ATM: variants seen among roughly 807,000 people sequenced by gnomAD.
ATM encodes ATM serine/threonine kinase.
Under a neutral mutation model 387.0 loss-of-function variants are expected in ATM, and 308 were observed. The observed-to-expected ratio is 0.80, with a 90% CI of 0.73 to 0.87. The LOEUF is 0.87. ATM is among the 40% of genes least tolerant of loss of function. The pLI, the probability that ATM is intolerant of heterozygous loss-of-function variation, is 0.00. For missense variants in ATM, 3,312 were observed against 3,560.9 expected, an observed-to-expected ratio of 0.93 and a Z score of 1.78; for synonymous variants, 1,156 against 1,187.3, an observed-to-expected ratio of 0.97 and a Z score of 0.54.
rs1064794124 is a variant in ATM, at chr11:108,299,744, G to A, written c.5036G>A (p.Gly1679Asp). ...EAVGSCLGEV[G>D]PIDFSTIAIQ... ...GTTGGAAGCTGCTTGGGAGAAGTGG[G>A]TCCTATAGATTTCTCTACCATAGCT... The change falls in exon 34 of 63, where the codon GGT becomes GAT. Residue 1679 changes from glycine (G) to aspartate (D), a missense_variant. By Grantham distance (94) the Gly-to-Asp change is moderately conservative (BLOSUM62 -1). This residue lies in a region of ATM where 1,405 missense variants were observed against 1,604.4 expected (regional missense o/e 0.88). Coordinates refer to ENST00000675843, the MANE Select transcript of ATM (RefSeq NM_000051.4). 1.9e-6 allele frequency: 3 copies of A among 1,613,854 alleles called. No homozygotes were observed. The highest frequency in any genetic ancestry group is 2.5e-6 in the Non-Finnish European group (3 of 1,179,890).
chr11:108,297,403 G>GGC lies in ATM; in HGVS notation c.5005+21_5005+22insGC, dbSNP rs547799081. On this transcript the variant is annotated intron_variant, in intron 33 of 62. Coordinates refer to ENST00000675843, the MANE Select transcript of ATM (RefSeq NM_000051.4). Reference sequence around the variant, plus strand: ...TCTAGGTAAACTACAGTCATGCGCTGCGTGACATTTCAGTCAACTGCGGAT... The same window carrying GGC: ...TCTAGGTAAACTACAGTCATGCGCTGGCCGTGACATTTCAGTCAACTGCGGAT... 6.8e-4 allele frequency: 1,071 copies of GGC among 1,577,932 alleles called. 2 individuals are homozygous for GGC. In the African/African-American group the frequency reaches 0.013, roughly 19 times the overall value.
At chr11:108,341,702 T>C (rs562139003) in intron 56 of ATM, among the ~76,000 whole-genome samples, 3 of 152,290 alleles carry the variant, frequency 2.0e-5, no homozygotes, top group South Asian at 2.1e-4. Flanking sequence ...CATTTTAATA[T>C]AAAGAACAAG....
intron 56 of ATM, among the ~76,000 whole-genome samples, chr11:108,339,362 A>AT (rs2087228668): frequency 6.6e-6 from 1 of 152,176 alleles, no homozygotes; most frequent in African/African-American, 2.4e-5. Flanking sequence ...ATTCCTTGTC[A>AT]TGCATATTTC....
rs1425596093 is a variant in ATM at position 108,366,613 on chromosome 11, G to C, written c.*1105G>C. On this transcript the variant is annotated 3_prime_UTR_variant, in exon 63 of 63. Transcript: ENST00000675843. ...GTGTCTGTTTATGTCATATTCCCAG[G>C]GCTGTTGCTGCACACAAGCCCATTC... The C allele has an allele frequency of 4.3e-6, 1 of 230,712 alleles. No homozygotes were observed. Among genetic ancestry groups the C allele is most frequent in the Non-Finnish European group, 8.6e-6 (1 of 116,568 alleles). The allele number at this position is 230,712 out of a possible 1,614,324, so 14.3% of individuals were successfully genotyped here. A position where few individuals can be genotyped will look rare whatever the true frequency, so the allele number is the denominator to read the frequency against.
rs1555059530 is a variant in ATM at position 108,235,830 on chromosome 11, G to A, written c.492G>A (p.Trp164Ter). The A allele has an allele frequency of 6.2e-7, 1 of 1,613,762 alleles. No individual in the cohort carries two copies. The highest frequency in any genetic ancestry group is 1.7e-4 in the Middle Eastern group (1 of 6,056). The part of the protein sequence containing the change: ...KYWCEISQQQ[W>*]LELFSVYFRL... Reference sequence around the variant, plus strand: ...GGTGTGAAATATCTCAGCAACAGTGGTTAGGTATGTTTTGAAGGTTGTTGT... The same window carrying A: ...GGTGTGAAATATCTCAGCAACAGTGATTAGGTATGTTTTGAAGGTTGTTGT... The change falls in exon 5 of 63, where the codon TGG becomes TGA. Residue 164 changes from tryptophan (W) to a stop codon, truncating the protein, a stop_gained. Transcript: ENST00000675843. LOFTEE classifies it high-confidence loss of function.
At position 108,331,426 on chromosome 11, in the gene ATM, TC is replaced by T. The variant is rs1223140309; in HGVS notation, c.7516-17del. The stretch of plus-strand genomic sequence containing the variant: ...AAATACCTTGTTTCTTAATTTTGTG[TC>T]TTTTTTTTAATGGTAGAGAGACGGA... On this transcript the variant is annotated splice_polypyrimidine_tract_variant and intron_variant, in intron 50 of 62. Coordinates refer to ENST00000675843, the MANE Select transcript of ATM (RefSeq NM_000051.4). 5 of 1,610,232 alleles carry T rather than the reference TC, an allele frequency of 3.1e-6. No homozygotes were observed. In the African/African-American group the frequency reaches 4.0e-5, roughly 13 times the overall value.
At chr11:108,282,665 A>AT in intron 24 of ATM, 45 bp from the exon 25 acceptor site, 5 of 1,563,100 alleles carry the variant, frequency 3.2e-6, no homozygotes, top group Non-Finnish European at 4.4e-6. Context: ...TAAATGATTT[A>AT]TTTTTTTCAT....
In ATM at chr11:108,335,957, A is replaced by C. The variant is rs1591199410; in HGVS notation, c.8264A>C (p.Tyr2755Ser). ...TRKRKLTICT[Y>S]KVVPLSQRSG... ...AAGAGGAAATTAACTATCTGTACTT[A>C]TAAGGTAACTATTTGTACTTCTGTT... is the stretch of plus-strand genomic sequence containing the variant. Residue 2755 changes from tyrosine to serine, a missense_variant, in exon 56 of 63, where the codon TAT becomes TCT. Transcript: ENST00000675843. 2 of 1,604,200 alleles carry C rather than the reference A, an allele frequency of 1.2e-6. No individual in the cohort carries two copies. Among genetic ancestry groups the C allele is most frequent in the Non-Finnish European group, 1.7e-6 (2 of 1,171,092 alleles).
At position 108,368,249 on chromosome 11, in the gene ATM, A is replaced by AT; in HGVS notation, c.*2743dup. On this transcript the variant is annotated 3_prime_UTR_variant, in exon 63 of 63. Coordinates refer to ENST00000675843, the MANE Select transcript of ATM (RefSeq NM_000051.4). ...TAATTTTAGTAGAGACAGGGTTGCC[A>AT]TTGTATTCCAGCCTTGGCGACAGAG... is the stretch of plus-strand genomic sequence containing the variant. The AT allele has an allele frequency of 4.9e-6, 1 of 205,290 alleles. No individual in the cohort carries two copies. Among genetic ancestry groups the AT allele is most frequent in the Non-Finnish European group, 9.9e-6 (1 of 101,066 alleles). 12.7% of individuals were successfully genotyped at this position (205,290 alleles called of 1,614,324 possible). A position where few individuals can be genotyped will look rare whatever the true frequency, so the allele number is the denominator to read the frequency against.
rs941397950 is a variant in ATM at position 108,343,139 on chromosome 11, G to C, written c.8269-83G>C. ...AATACAACTTGAAAAAAAATGCTTT[G>C]CACTGACTCTGATAGCTGAATGATC... On this transcript the variant is annotated intron_variant, in intron 56 of 62. Transcript: ENST00000675843. The C allele has an allele frequency of 1.1e-5, 17 of 1,546,810 alleles. No homozygotes were observed. The African/African-American group carries it at 1.8e-4, about 16-fold the overall frequency.
chr11:108,245,225 A>G (rs1011771950), intron 7 of ATM, among the ~76,000 whole-genome samples, 199 bp downstream of exon 7: 1 of 152,136 alleles, frequency 6.6e-6, no homozygotes, highest in African/African-American at 2.4e-5. Flanking sequence ...ATGCCTTTCT[A>G]TTTGTTCAAT....
chr11:108,227,993 C>G (rs1412066097), intron 3 of ATM, 105 bp downstream of exon 3: 1 of 957,866 alleles, frequency 1.0e-6, no homozygotes. Context: ...TCTTTGCTTC[C>G]TATATATCAT....
chr11:108,290,654 AAAAAAAAAAAAAAG>A (rs1325548154), intron 29 of ATM: 5 of 149,270 alleles, frequency 3.3e-5, no homozygotes, highest in Non-Finnish European at 5.9e-5. Context: ...AAAAAAAAAA[AAAAAAAAAAAAAAG>A]AAAATTATCC....
At position 108,287,656 on chromosome 11, in the gene ATM, G is replaced by T. The variant is rs770697446; in HGVS notation, c.4050G>T (p.Thr1350=). The T allele has an allele frequency of 6.2e-7, 1 of 1,613,726 alleles. No individual in the cohort carries two copies. Among genetic ancestry groups the T allele is most frequent in the Non-Finnish European group, 8.5e-7 (1 of 1,179,906 alleles). ...AGATTGTGGTGGAGTTATTGATGAC[G>T]TTACATGAGCCAGCAAATTCTAGTG... The part of the protein sequence containing the change: ...LPEIVVELLM[T]LHEPANSSAS... Residue 1350 remains threonine, a synonymous_variant, in exon 27 of 63, where the codon ACG becomes ACT. Coordinates refer to ENST00000675843, the MANE Select transcript of ATM (RefSeq NM_000051.4).
rs567215034 is a variant in ATM, at chr11:108,345,735, A to G, written c.8419-8A>G. ...TGAAAAATAATTATATATATTCTCT[A>G]TTTAAAGGAGGTGCAAAAAAAGTCT... is the stretch of plus-strand genomic sequence containing the variant. On this transcript the variant is annotated splice_polypyrimidine_tract_variant and splice_region_variant and intron_variant, in intron 57 of 62. Transcript: ENST00000675843. 21 of 1,588,824 alleles carry G rather than the reference A, an allele frequency of 1.3e-5. No individual in the cohort carries two copies. In the South Asian group the frequency reaches 1.6e-4, roughly 12 times the overall value.
chr11:108,325,342 A>G lies in ATM; in HGVS notation c.6605A>G (p.Tyr2202Cys). 1 of 1,609,884 alleles carries G rather than the reference A, an allele frequency of 6.2e-7. No homozygotes were observed. Among genetic ancestry groups the G allele is most frequent in the Non-Finnish European group, 8.5e-7 (1 of 1,178,936 alleles). ...SVTHRQLSEV[Y>C]IKWQKHSQLL... ...ACACATAGACAACTCTCTGAAGTATATATTAAGTGGCAGAAACACTCCCAG... is the reference window on the plus strand; with the variant it reads ...ACACATAGACAACTCTCTGAAGTATGTATTAAGTGGCAGAAACACTCCCAG... The change falls in exon 46 of 63, where the codon TAT becomes TGT. Residue 2202 changes from tyrosine (Y) to cysteine (C), a missense_variant. Tyr to Cys is a radical substitution (Grantham distance 194). Coordinates refer to ENST00000675843, the MANE Select transcript of ATM (RefSeq NM_000051.4).
At chr11:108,303,939 C>T (rs1194104331) in intron 36 of ATM, among the ~76,000 whole-genome samples, 1 of 152,120 alleles carries the variant, frequency 6.6e-6, no homozygotes, top group Non-Finnish European at 1.5e-5. Flanking sequence ...GGTGTTTTGC[C>T]TTGTCTTTGG....
At chr11:108,328,518 T>G (rs4988118) in intron 48 of ATM, among the ~76,000 whole-genome samples, 3 of 152,170 alleles carry the variant, frequency 2.0e-5, no homozygotes, top group Admixed American at 6.5e-5. Flanking sequence ...AGTGCTGGCA[T>G]TACAGGCTTG....
chr11:108,232,862 T>A (rs2079085233), intron 4 of ATM, among the ~76,000 whole-genome samples: 2 of 151,174 alleles, frequency 1.3e-5, no homozygotes, highest in Non-Finnish European at 2.9e-5. Context: ...TGTTCATTTC[T>A]TTTCTTTTTT....
Sources: allele counts gnomAD v4.1 joint callset (sites outside exome capture counted in the v4.1 genomes callset), GRCh38; gene constraint gnomAD v4.1.1; regional missense constraint gnomAD v4.1.1; transcripts MANE v1.5; gene names NCBI Gene and HGNC (gene_info 2026-07-23, HGNC 2026-07-21).